Variants in USH2A observed in about 807,000 individuals in gnomAD.
USH2A encodes Usher syndrome 2A (autosomal recessive, mild).
USH2A carries 443 observed loss-of-function variants against 538.9 expected under a neutral mutation model. That is an observed-to-expected ratio of 0.82 (90% CI 0.76 to 0.89). The LOEUF (loss-of-function observed/expected upper bound fraction) is 0.89. Ranked by LOEUF, USH2A falls within the 40% of genes least tolerant of loss-of-function variation. The probability of loss-of-function intolerance (pLI) is 0.00; values close to 1 mark genes in which losing one functional copy is unlikely to be tolerated. For synonymous variants in USH2A, 2,413 were observed against 2,273.5 expected, an observed-to-expected ratio of 1.06 and a Z score of -1.75; for missense variants, 6,633 against 6,324.8, an observed-to-expected ratio of 1.05 and a Z score of -1.65.
At chr1:216,136,534 C>G (rs548402711) in intron 21 of USH2A, among the ~76,000 whole-genome samples, 40 of 152,202 alleles carry the variant, frequency 2.6e-4, no homozygotes, top group African/African-American at 9.4e-4. Flanking sequence ...TTTACTTTCT[C>G]GTCAGTTATG....
intron 9 of USH2A, among the ~76,000 whole-genome samples, chr1:216,313,752 C>A (rs919323719): frequency 1.1e-5 from 1 of 92,858 alleles, no homozygotes; most frequent in Non-Finnish European, 2.9e-5. Context: ...AAAATGCATT[C>A]TTTCTTTCTT....
chr1:215,969,186 A>C lies in USH2A; in HGVS notation c.6957+1439T>G, dbSNP rs1432366605. Among the ~76,000 whole-genome samples the C allele has an allele frequency of 2.6e-5, 4 of 152,194 alleles. No individual in the cohort carries two copies. The East Asian group carries it at 7.7e-4, about 29-fold the overall frequency. The stretch of plus-strand genomic sequence containing the variant: ...CCCAGTGATTAGAGATGGATCATTG[A>C]CTAGGGAAAAGCGTTTGCATACTGA... On this transcript the variant is annotated intron_variant, in intron 36 of 71. Transcript: ENST00000307340.
chr1:215,626,309 A>ATATG (rs957763142), intron 71 of USH2A, among the ~76,000 whole-genome samples: 156 of 150,096 alleles, frequency 1.0e-3, no homozygotes, highest in East Asian at 5.8e-3. Context: ...CTATATATAT[A>ATATG]TATGTATGTA....
intron 4 of USH2A, among the ~76,000 whole-genome samples, chr1:216,334,245 C>T (rs1055307558): frequency 6.6e-6 from 1 of 151,824 alleles, no homozygotes; most frequent in African/African-American, 2.4e-5. Flanking sequence ...CAAAATTTTG[C>T]ATACTCTTAA....
chr1:215,787,842 G>A (rs141670467), intron 51 of USH2A, among the ~76,000 whole-genome samples: 51 of 152,052 alleles, frequency 3.4e-4, no homozygotes, highest in South Asian at 2.1e-3. Flanking sequence ...TCAGGATTTC[G>A]AGACCAGACC....
chr1:215,678,181 T>A (rs778619311), intron 62 of USH2A, among the ~76,000 whole-genome samples: 1 of 152,218 alleles, frequency 6.6e-6, no homozygotes, highest in African/African-American at 2.4e-5. Context: ...ATAGTCCATT[T>A]TCCACAGGGT....
chr1:216,017,203 C>T (rs1303154888), intron 32 of USH2A, among the ~76,000 whole-genome samples: 2 of 151,996 alleles, frequency 1.3e-5, no homozygotes, highest in South Asian at 2.1e-4. Flanking sequence ...CGTGTTCTCT[C>T]TCTATCTTGC....
At chr1:215,627,086 T>C (rs1656052831) in intron 71 of USH2A, among the ~76,000 whole-genome samples, 1 of 152,212 alleles carries the variant, frequency 6.6e-6, no homozygotes, top group South Asian at 2.1e-4. Context: ...ACAATCATTC[T>C]GAACAGGCCA....
intron 64 of USH2A, among the ~76,000 whole-genome samples, chr1:215,655,473 C>G (rs930048188): frequency 6.6e-6 from 1 of 152,090 alleles, no homozygotes. Context: ...CTAGAAATTG[C>G]TGAGTCTATT....
intron 3 of USH2A, among the ~76,000 whole-genome samples, chr1:216,393,585 A>G (rs2039149627): frequency 6.6e-6 from 1 of 152,150 alleles, no homozygotes; most frequent in African/African-American, 2.4e-5. Context: ...TAAAATGGCA[A>G]TCATTAACAT....
rs150487430 is a variant in USH2A at position 216,190,460 on chromosome 1, G to C, written c.4252-93C>G. The C allele has an allele frequency of 1.2e-4, 176 of 1,510,008 alleles. 1 individual carries two copies. The East Asian group carries it at 4.1e-3, about 36-fold the overall frequency. The allele number at this position is 1,510,008 out of a possible 1,614,324, so 93.5% of individuals were successfully genotyped here. A position where few individuals can be genotyped will look rare whatever the true frequency, so the allele number is the denominator to read the frequency against. ...TGGCAGTCAAAGTTCCATGAATTCA[G>C]ACAGAGGGAATTATTGCCAACCACC... On this transcript the variant is annotated intron_variant, in intron 19 of 71. Coordinates refer to ENST00000307340, the MANE Select transcript of USH2A (RefSeq NM_206933.4).
In USH2A at chr1:215,777,266, T is replaced by C. The variant is rs141051856; in HGVS notation, c.10939+2577A>G. Among the ~76,000 whole-genome samples, 701 of 152,268 alleles carry C rather than the reference T, an allele frequency of 4.6e-3. 4 individuals carry two copies. Among genetic ancestry groups the C allele is most frequent in the African/African-American group, 0.016 (674 of 41,554 alleles). On this transcript the variant is annotated intron_variant, in intron 55 of 71. Coordinates refer to ENST00000307340, the MANE Select transcript of USH2A (RefSeq NM_206933.4). Reference sequence around the variant, plus strand: ...TAAAAATGTCAATGAAAGGAAGAACTGGTAGGGTGAAGTTATTTAGAGAAA... The same window carrying C: ...TAAAAATGTCAATGAAAGGAAGAACCGGTAGGGTGAAGTTATTTAGAGAAA...
At chr1:215,937,130 T>C (rs1666521416) in intron 37 of USH2A, among the ~76,000 whole-genome samples, 1 of 152,204 alleles carries the variant, frequency 6.6e-6, no homozygotes, top group Admixed American at 6.6e-5. Context: ...AGTAGTTTAC[T>C]TCAAAGGAAA....
chr1:215,691,286 T>C (rs1309333890), intron 61 of USH2A, among the ~76,000 whole-genome samples: 1 of 152,142 alleles, frequency 6.6e-6, no homozygotes. Flanking sequence ...CCTGTTCTAG[T>C]TCCTCAAGTT....
At chr1:216,392,369 A>G (rs2039125190) in intron 3 of USH2A, among the ~76,000 whole-genome samples, 1 of 151,596 alleles carries the variant, frequency 6.6e-6, no homozygotes, top group Admixed American at 6.6e-5. Context: ...GCATGGTGGC[A>G]GGCGCCTGTA....
intron 56 of USH2A, 115 bp from the exon 57 acceptor site, chr1:215,759,958 T>C (rs898350396): frequency 8.2e-7 from 1 of 1,213,760 alleles, no homozygotes; most frequent in East Asian, 2.4e-5. Flanking sequence ...TTAAAAAATA[T>C]CTAACTGTAT....
intron 55 of USH2A, among the ~76,000 whole-genome samples, chr1:215,778,212 C>A (rs890663802): frequency 2.0e-5 from 3 of 152,026 alleles, no homozygotes; most frequent in Non-Finnish European, 4.4e-5. Flanking sequence ...CCACCATGCC[C>A]AACTGATTTT....
chr1:215,750,419 T>C (rs1198170183), intron 58 of USH2A, among the ~76,000 whole-genome samples: 6 of 152,266 alleles, frequency 3.9e-5, no homozygotes, highest in South Asian at 4.1e-4. Flanking sequence ...GTTTTGCCCC[T>C]GAGTGGGGCT....
chr1:216,029,599 G>A (rs138604729), intron 32 of USH2A, among the ~76,000 whole-genome samples: 4,954 of 151,986 alleles, frequency 0.033, 120 homozygotes, highest in Middle Eastern at 0.089. Flanking sequence ...ATAGCCACAA[G>A]ATTTAAGCAA....
Sources: allele counts gnomAD v4.1 joint callset (sites outside exome capture counted in the v4.1 genomes callset), GRCh38; gene constraint gnomAD v4.1.1; transcripts MANE v1.5; gene names NCBI Gene and HGNC (gene_info 2026-07-23, HGNC 2026-07-21).